SGMS2: variants seen among roughly 807,000 people sequenced by gnomAD.
SGMS2 encodes sphingomyelin synthase 2, also known as phosphatidylcholine:ceramide cholinephosphotransferase 2.
Under a neutral mutation model 43.8 loss-of-function variants are expected in SGMS2, and 21 were observed. The ratio of observed to expected loss-of-function variants is 0.48; its 90% CI spans 0.34 to 0.69. The LOEUF (loss-of-function observed/expected upper bound fraction) is 0.69. SGMS2 is among the 30% of genes least tolerant of loss of function. SGMS2 has a pLI of 0.01. For missense variants in SGMS2, 384 were observed against 443.2 expected (o/e 0.87, Z 1.20); for synonymous variants, 167 against 160.6 (o/e 1.04, Z -0.30).
At chr4:107,850,594 G>A (rs1727082466) in intron 1 of SGMS2, among the ~76,000 whole-genome samples, 1 of 152,200 alleles carries the variant, frequency 6.6e-6, no homozygotes, top group Non-Finnish European at 1.5e-5. Context: ...CCCAAGAAGA[G>A]AGGTGTGATC....
chr4:107,858,015 C>G (rs994820743), intron 1 of SGMS2, among the ~76,000 whole-genome samples: 2 of 152,100 alleles, frequency 1.3e-5, no homozygotes, highest in Admixed American at 6.6e-5. Context: ...GCCCCACCCC[C>G]CCCATCCCCA....
intron 1 of SGMS2, among the ~76,000 whole-genome samples, chr4:107,828,437 G>T (rs1346575216): frequency 6.6e-6 from 1 of 152,142 alleles, no homozygotes; most frequent in Non-Finnish European, 1.5e-5. Flanking sequence ...ACAAAAATGG[G>T]TTCATTCTCT....
intron 1 of SGMS2, among the ~76,000 whole-genome samples, chr4:107,836,949 C>G (rs1410699151): frequency 5.9e-5 from 9 of 152,160 alleles, no homozygotes; most frequent in African/African-American, 1.9e-4. Flanking sequence ...GAAAACTCAC[C>G]TGACCACTGG....
At position 107,895,406 on chromosome 4, in the gene SGMS2, A is replaced by C; in HGVS notation, c.-148A>C. ...GCTGCATGGAAGAAACAGTAATCGG[A>C]TGGCTACCTTCTACATTTTGTATTA... On this transcript the variant is annotated 5_prime_UTR_variant, in exon 3 of 7. An upstream start codon of the reference 5' UTR is lost. Coordinates refer to ENST00000690982, the MANE Select transcript of SGMS2 (RefSeq NM_001375905.1). 4 of 789,116 alleles carry C rather than the reference A, an allele frequency of 5.1e-6. No homozygotes were observed. The South Asian group carries it at 7.5e-5, about 15-fold the overall frequency. 48.9% of individuals were successfully genotyped at this position (789,116 alleles called of 1,614,324 possible).
chr4:107,863,736 C>T (rs1028696048), intron 2 of SGMS2: 1 of 152,106 alleles, frequency 6.6e-6, no homozygotes, highest in Non-Finnish European at 1.5e-5. Flanking sequence ...CTGTTATATC[C>T]CCCTTTTTAT....
intron 2 of SGMS2, among the ~76,000 whole-genome samples, chr4:107,858,850 TCTA>T (rs1727569493): frequency 6.6e-6 from 1 of 152,146 alleles, no homozygotes; most frequent in Non-Finnish European, 1.5e-5. Flanking sequence ...CCCATAACTT[TCTA>T]ACCTGTTTGC....
rs558440226 is a variant in SGMS2, at chr4:107,844,071, C to G, written c.-326-14401C>G. Among the ~76,000 whole-genome samples, 11 of 152,198 alleles carry G rather than the reference C, an allele frequency of 7.2e-5. No individual in the cohort carries two copies. In the South Asian group the frequency reaches 2.3e-3, roughly 32 times the overall value. On this transcript the variant is annotated intron_variant, in intron 1 of 6. Transcript: ENST00000690982. Reference sequence around the variant, plus strand: ...GGCACGGTGGCTCACGCCTATAATCCCAGCACTTTGGGAGGCCAAGACAGG... The same window carrying G: ...GGCACGGTGGCTCACGCCTATAATCGCAGCACTTTGGGAGGCCAAGACAGG...
intron 2 of SGMS2, among the ~76,000 whole-genome samples, chr4:107,876,523 A>G (rs946898471): frequency 1.3e-5 from 2 of 152,292 alleles, no homozygotes; most frequent in Non-Finnish European, 2.9e-5. Flanking sequence ...TCAAGAAGTC[A>G]TTTTTAAATA....
At chr4:107,892,603 AT>A (rs975723586) in intron 2 of SGMS2, among the ~76,000 whole-genome samples, 3 of 152,136 alleles carry the variant, frequency 2.0e-5, no homozygotes, top group African/African-American at 7.2e-5. Context: ...GGTTTCATAC[AT>A]TTTAGGGGGA....
intron 2 of SGMS2, among the ~76,000 whole-genome samples, chr4:107,878,633 C>A (rs1366049976): frequency 6.6e-6 from 1 of 152,110 alleles, no homozygotes; most frequent in Non-Finnish European, 1.5e-5. Context: ...CATTCATTCA[C>A]CTTACAGCAT....
At chr4:107,827,346 G>A (rs944043322) in intron 1 of SGMS2, among the ~76,000 whole-genome samples, 3 of 152,162 alleles carry the variant, frequency 2.0e-5, no homozygotes, top group Non-Finnish European at 4.4e-5. Context: ...GAAGGAGATA[G>A]TTGCTACCCC....
At chr4:107,830,499 C>T (rs1372127747) in intron 1 of SGMS2, among the ~76,000 whole-genome samples, 4 of 152,288 alleles carry the variant, frequency 2.6e-5, no homozygotes, top group East Asian at 1.9e-4. Context: ...ACATTCCCAC[C>T]AGCAGTATAT....
intron 2 of SGMS2, among the ~76,000 whole-genome samples, chr4:107,891,494 C>A: frequency 6.8e-6 from 1 of 146,466 alleles, no homozygotes; most frequent in Non-Finnish European, 1.5e-5. Flanking sequence ...AGTGAAGCAG[C>A]CTTGTTGTCT....
At chr4:107,891,657 C>T (rs1730227999) in intron 2 of SGMS2, among the ~76,000 whole-genome samples, 2 of 152,104 alleles carry the variant, frequency 1.3e-5, no homozygotes, top group Admixed American at 1.3e-4. Flanking sequence ...TCTGCTTCCT[C>T]AGTGAAATGC....
rs928870607 is a variant in SGMS2 at position 107,913,836 on chromosome 4, T to C, written c.*3283T>C. 8 of 152,146 alleles carry C rather than the reference T, an allele frequency of 5.3e-5. No homozygotes were observed. The highest frequency in any genetic ancestry group is 1.2e-4 in the African/African-American group (5 of 41,450). The allele number at this position is 152,146 out of a possible 1,614,324, so 9.4% of individuals were successfully genotyped here. A position where few individuals can be genotyped will look rare whatever the true frequency, so the allele number is the denominator to read the frequency against. On this transcript the variant is annotated 3_prime_UTR_variant, in exon 7 of 7. Coordinates refer to ENST00000690982, the MANE Select transcript of SGMS2 (RefSeq NM_001375905.1). ...GGTTTTTTTTACATGACAGAACTCA[T>C]GCAGTTTCTTTTTTAGTTGAAAGTT...
intron 1 of SGMS2, among the ~76,000 whole-genome samples, chr4:107,835,359 A>T (rs1251896493): frequency 6.6e-6 from 1 of 152,204 alleles, no homozygotes; most frequent in Non-Finnish European, 1.5e-5. Context: ...TTTTAAATGC[A>T]TCCTTTTTAG....
chr4:107,870,408 C>T (rs1004577218), intron 2 of SGMS2, among the ~76,000 whole-genome samples: 4 of 151,986 alleles, frequency 2.6e-5, no homozygotes, highest in Admixed American at 6.6e-5. Flanking sequence ...ATGGTGGTAC[C>T]GTTTACTGTG....
intron 6 of SGMS2, 145 bp from the exon 7 acceptor site, chr4:107,910,205 T>C (rs1731998646): frequency 1.4e-6 from 1 of 698,574 alleles, no homozygotes. Flanking sequence ...ATGGTAGAGT[T>C]AGGGAAAGGA....
At chr4:107,907,323 G>A (rs1007093037) in intron 5 of SGMS2, 1 of 152,146 alleles carries the variant, frequency 6.6e-6, no homozygotes, top group Admixed American at 6.5e-5. Context: ...TTAAAGTTCT[G>A]GAAATGGGCT....
Sources: gnomAD v4.1 joint callset for allele counts (sites outside exome capture counted in the v4.1 genomes callset) on GRCh38, gnomAD v4.1.1 for gene constraint, MANE v1.5 for transcripts, NCBI Gene and HGNC (gene_info 2026-07-23, HGNC 2026-07-21) for gene names.